SLC45A4: variants seen among roughly 807,000 people sequenced by gnomAD.
SLC45A4 encodes solute carrier family 45 member 4.
SLC45A4 carries 32 observed loss-of-function variants against 63.7 expected under a neutral mutation model. That is an observed-to-expected ratio of 0.50 (90% CI 0.38 to 0.67). The LOEUF (loss-of-function observed/expected upper bound fraction) is 0.67, where lower values mean the gene tolerates loss of function less well. SLC45A4 is among the 30% of genes least tolerant of loss of function. The pLI is 0.00. For missense variants in SLC45A4, 1,027 were observed against 1,157.7 expected (o/e 0.89, Z 1.64); for synonymous variants, 535 against 510.0 (o/e 1.05, Z -0.66).
chr8:141,252,397 G>C (rs866837034), intron 2 of SLC45A4: 1 of 164,184 alleles, frequency 6.1e-6, no homozygotes, highest in African/African-American at 2.4e-5. Context: ...CCACCTGCGC[G>C]TCTGTGAATT....
rs1267562618 is a variant in SLC45A4, at chr8:141,256,558, G to A, written c.-400-1929C>T. On this transcript the variant is annotated intron_variant, in intron 1 of 8. Coordinates refer to ENST00000517878, the MANE Select transcript of SLC45A4 (RefSeq NM_001286646.2). This position sits in a 1 kb window ranked among gnomAD's most constrained non-coding sequence, Gnocchi z 4.3. ...GGAGGGAGAAGACTCCGCTGTACAGGAGGTTCTGGAAGGAAGCCGTGCGCC... is the reference window on the plus strand; with the variant it reads ...GGAGGGAGAAGACTCCGCTGTACAGAAGGTTCTGGAAGGAAGCCGTGCGCC... The A allele has an allele frequency of 4.4e-6, 2 of 456,246 alleles. No individual in the cohort carries two copies. The highest frequency in any genetic ancestry group is 8.8e-6 in the Non-Finnish European group (2 of 226,960). The allele number at this position is 456,246 out of a possible 1,614,324, so 28.3% of individuals were successfully genotyped here.
intron 1 of SLC45A4, among the ~76,000 whole-genome samples, chr8:141,293,051 G>A (rs1266845976): frequency 6.6e-6 from 1 of 152,216 alleles, no homozygotes; most frequent in Non-Finnish European, 1.5e-5. Flanking sequence ...CTCGAGGACA[G>A]CACCATCCTC....
intron 1 of SLC45A4, among the ~76,000 whole-genome samples, chr8:141,270,240 A>G (rs1829463035): frequency 1.3e-5 from 2 of 152,036 alleles, no homozygotes; most frequent in South Asian, 4.1e-4. Context: ...CCATCAATAA[A>G]GAAAACCAGG....
At chr8:141,240,817 C>T (rs746194005) in intron 2 of SLC45A4, among the ~76,000 whole-genome samples, 1 of 152,270 alleles carries the variant, frequency 6.6e-6, no homozygotes, top group South Asian at 2.1e-4. Context: ...AGACACCACA[C>T]GCATCACCTG....
intron 2 of SLC45A4, among the ~76,000 whole-genome samples, chr8:141,248,305 C>G (rs1828310114): frequency 6.6e-6 from 1 of 152,226 alleles, no homozygotes; most frequent in African/African-American, 2.4e-5. Context: ...CACAGTGGCT[C>G]ACGCCTATAG....
At chr8:141,213,973 G>A (rs180808806) in intron 7 of SLC45A4, among the ~76,000 whole-genome samples, 25 of 152,270 alleles carry the variant, frequency 1.6e-4, no homozygotes, top group African/African-American at 3.6e-4. Flanking sequence ...TTGGGAGGCC[G>A]AGACGGGTGG....
intron 1 of SLC45A4, among the ~76,000 whole-genome samples, chr8:141,269,541 T>G (rs1459514188): frequency 2.0e-5 from 3 of 151,146 alleles, no homozygotes; most frequent in African/African-American, 4.9e-5. Context: ...TGTGGGTGTG[T>G]GTGTGGGTGT....
At chr8:141,296,399 C>T (rs1031871922) in intron 1 of SLC45A4, among the ~76,000 whole-genome samples, 6 of 151,184 alleles carry the variant, frequency 4.0e-5, no homozygotes, top group Admixed American at 1.3e-4. Context: ...ACTCAGGAGG[C>T]TGAGGCAGGA....
At chr8:141,273,573 T>C (rs1341968913) in intron 1 of SLC45A4, among the ~76,000 whole-genome samples, 1 of 151,982 alleles carries the variant, frequency 6.6e-6, no homozygotes, top group Non-Finnish European at 1.5e-5. Flanking sequence ...AGCTAAATGG[T>C]ATCCAAACAT....
rs1830076604 is a variant in SLC45A4 at position 141,284,734 on chromosome 8, T to C, written c.-401+23362A>G. On this transcript the variant is annotated intron_variant, in intron 1 of 8. Coordinates refer to ENST00000517878, the MANE Select transcript of SLC45A4 (RefSeq NM_001286646.2). Reference sequence around the variant, plus strand: ...CTGGGGGATGAAACGCCTACCCCAGTACAAAGCCTGCCTGTGTCTGCCTGG... The same window carrying C: ...CTGGGGGATGAAACGCCTACCCCAGCACAAAGCCTGCCTGTGTCTGCCTGG... Among the ~76,000 whole-genome samples, 3 of 152,180 alleles carry C rather than the reference T, an allele frequency of 2.0e-5. 1 individual carries two copies. In the South Asian group the frequency reaches 6.2e-4, roughly 32 times the overall value.
Position 141,228,353 on chromosome 8 carries a change from C to T in SLC45A4, c.242-6588G>A, listed in dbSNP as rs937657674. 19 of 1,575,892 alleles carry T rather than the reference C, an allele frequency of 1.2e-5. No homozygotes were observed. In the African/African-American group the frequency reaches 1.3e-4, roughly 11 times the overall value. ...GTTTCTCCTCTTCAACAAGGAGGGG[C>T]GCCTCAACAGCCTGGCTAGAGGCCC... On this transcript the variant is annotated intron_variant, in intron 2 of 8. Transcript: ENST00000517878.
rs1003277591 is a variant in SLC45A4, at chr8:141,221,369, T to C, written c.430+208A>G. The stretch of plus-strand genomic sequence containing the variant: ...ACCATCACAACAGGAAGCGTTTCCC[T>C]GTGAACAGGTTCCTCCGGCTTTCCC... On this transcript the variant is annotated intron_variant, in intron 3 of 8. Transcript: ENST00000517878. Among the ~76,000 whole-genome samples the C allele has an allele frequency of 3.9e-5, 6 of 152,388 alleles. No homozygotes were observed. The East Asian group carries it at 1.2e-3, about 29-fold the overall frequency.
chr8:141,225,004 A>G (rs1826885674), intron 2 of SLC45A4: 1 of 152,110 alleles, frequency 6.6e-6, no homozygotes. Flanking sequence ...TAGAATTTCC[A>G]CTTGGCTCTA....
At chr8:141,293,088 C>T (rs375717455) in intron 1 of SLC45A4, among the ~76,000 whole-genome samples, 1 of 152,186 alleles carries the variant, frequency 6.6e-6, no homozygotes, top group Non-Finnish European at 1.5e-5. Flanking sequence ...AGGCTGGATG[C>T]GTGGGCCTAC....
chr8:141,307,752 A>G (rs1221786750), intron 1 of SLC45A4, among the ~76,000 whole-genome samples: 1 of 123,720 alleles, frequency 8.1e-6, no homozygotes, highest in African/African-American at 3.1e-5. Flanking sequence ...GGCGGGGAGG[A>G]CTGATGGGTG....
At chr8:141,264,619 C>A (rs1223714304) in intron 1 of SLC45A4, among the ~76,000 whole-genome samples, 2 of 152,158 alleles carry the variant, frequency 1.3e-5, no homozygotes. Context: ...TATAAACTAG[C>A]CTGGGGGGAG....
At chr8:141,269,464 C>CTGTG (rs10573168) in intron 1 of SLC45A4, among the ~76,000 whole-genome samples, 47 of 147,298 alleles carry the variant, frequency 3.2e-4, no homozygotes, top group Non-Finnish European at 5.2e-4. Flanking sequence ...GCCTATGTGT[C>CTGTG]TGTGTGTGTG....
chr8:141,217,866 G>A, intron 5 of SLC45A4, 145 bp downstream of exon 5: 1 of 1,034,018 alleles, frequency 9.7e-7, no homozygotes, highest in South Asian at 1.7e-5. Flanking sequence ...CCTGCCGCGG[G>A]TCCCTCACCT....
chr8:141,234,877 G>C (rs1458053594), intron 2 of SLC45A4, among the ~76,000 whole-genome samples: 1 of 152,200 alleles, frequency 6.6e-6, no homozygotes, highest in African/African-American at 2.4e-5. Flanking sequence ...GCGTCACTGT[G>C]AGCTTTTGCT....
Sources: allele counts gnomAD v4.1 joint callset (sites outside exome capture counted in the v4.1 genomes callset), GRCh38; gene constraint gnomAD v4.1.1; non-coding constraint Gnocchi (gnomAD v3.1); transcripts MANE v1.5; gene names NCBI Gene and HGNC (gene_info 2026-07-23, HGNC 2026-07-21).